KHDRBS2: variants seen among roughly 807,000 people sequenced by gnomAD.
The protein encoded by KHDRBS2 is KH domain-containing, RNA-binding, signal transduction-associated protein 2.
In KHDRBS2, 26 loss-of-function variants were observed where a neutral mutation model predicts 44.3. That is an observed-to-expected ratio of 0.59 (90% CI 0.43 to 0.81). The LOEUF (loss-of-function observed/expected upper bound fraction) is 0.81. KHDRBS2 is among the 40% of genes least tolerant of loss of function. KHDRBS2 has a pLI of 0.00. For missense variants in KHDRBS2, 476 were observed against 433.1 expected (o/e 1.10, Z -0.88); for synonymous variants, 194 against 151.1 (o/e 1.28, Z -2.08).
At chr6:62,098,204 C>A (rs1801058925) in intron 2 of KHDRBS2, among the ~76,000 whole-genome samples, 1 of 147,506 alleles carries the variant, frequency 6.8e-6, no homozygotes, top group South Asian at 2.2e-4. Flanking sequence ...TGAATTTGTT[C>A]ATATACTTAC....
chr6:61,583,728 G>A, the KHDRBS2 span, among the ~76,000 whole-genome samples: 5 of 151,280 alleles, frequency 3.3e-5, no homozygotes, highest in South Asian at 1.0e-3. Flanking sequence ...TTTTAAATTA[G>A]CTTTTAAATT....
chr6:61,572,097 A>G, the KHDRBS2 span, among the ~76,000 whole-genome samples: 1 of 152,124 alleles, frequency 6.6e-6, no homozygotes, highest in Non-Finnish European at 1.5e-5. Flanking sequence ...AAGAAGAGAG[A>G]AGATCCAAAT....
intron 6 of KHDRBS2, among the ~76,000 whole-genome samples, chr6:61,751,437 G>A (rs1300187947): frequency 6.6e-6 from 1 of 152,164 alleles, no homozygotes; most frequent in Non-Finnish European, 1.5e-5. Flanking sequence ...ACAGAACAAT[G>A]TGCCCTATTG....
At chr6:61,561,139 T>G in the KHDRBS2 span, among the ~76,000 whole-genome samples, 2 of 152,150 alleles carry the variant, frequency 1.3e-5, no homozygotes, top group African/African-American at 4.8e-5. Context: ...GGATTACCAA[T>G]TAGAGACTTG....
chr6:61,936,859 C>CT (rs1223182375), intron 4 of KHDRBS2, among the ~76,000 whole-genome samples: 1 of 151,792 alleles, frequency 6.6e-6, no homozygotes, highest in East Asian at 1.9e-4. Flanking sequence ...ATTTGTAAAT[C>CT]TTTTTTTCTC....
At chr6:62,116,869 T>A (rs1806359025) in intron 2 of KHDRBS2, among the ~76,000 whole-genome samples, 1 of 152,160 alleles carries the variant, frequency 6.6e-6, no homozygotes, top group South Asian at 2.1e-4. Context: ...ACCATATTAG[T>A]CTTTCCATGC....
At chr6:61,562,830 A>T in the KHDRBS2 span, among the ~76,000 whole-genome samples, 6 of 152,320 alleles carry the variant, frequency 3.9e-5, no homozygotes, top group African/African-American at 1.4e-4. Flanking sequence ...ATTATGTGTT[A>T]AAGTTTTTAT....
At chr6:61,638,701 T>A in the KHDRBS2 span, among the ~76,000 whole-genome samples, 1 of 152,150 alleles carries the variant, frequency 6.6e-6, no homozygotes, top group African/African-American at 2.4e-5. Context: ...AAAAATCAAT[T>A]AGCATTATTC....
chr6:62,210,558 T>C (rs1441635789), intron 1 of KHDRBS2, among the ~76,000 whole-genome samples: 1 of 152,092 alleles, frequency 6.6e-6, no homozygotes, highest in East Asian at 1.9e-4. Flanking sequence ...CTAGAACTCC[T>C]GACCTCAGGT....
At chr6:61,907,245 T>C (rs1805204353) in intron 4 of KHDRBS2, among the ~76,000 whole-genome samples, 1 of 152,232 alleles carries the variant, frequency 6.6e-6, no homozygotes, top group Admixed American at 6.5e-5. Flanking sequence ...CATTTTAAAC[T>C]CAGATTATCT....
At chr6:61,971,342 A>G (rs528886345) in intron 4 of KHDRBS2, among the ~76,000 whole-genome samples, 2 of 152,188 alleles carry the variant, frequency 1.3e-5, no homozygotes, top group East Asian at 3.9e-4. Flanking sequence ...GAATCAATAC[A>G]TTTTTCATTG....
chr6:61,813,454 T>G (rs1788433841), intron 6 of KHDRBS2, among the ~76,000 whole-genome samples: 1 of 152,182 alleles, frequency 6.6e-6, no homozygotes, highest in African/African-American at 2.4e-5. Flanking sequence ...CAGGCAGGAT[T>G]TGCAAACCTA....
chr6:61,723,087 A>T (rs1245979820), intron 7 of KHDRBS2, among the ~76,000 whole-genome samples: 1 of 152,140 alleles, frequency 6.6e-6, no homozygotes, highest in Non-Finnish European at 1.5e-5. Context: ...GGAAAAACTG[A>T]GGCAACTAGG....
chr6:61,899,570 T>C (rs1447142000), intron 5 of KHDRBS2, among the ~76,000 whole-genome samples: 8 of 151,976 alleles, frequency 5.3e-5, no homozygotes, highest in African/African-American at 1.7e-4. Flanking sequence ...ATTATTTAAA[T>C]GGATTAAAAT....
chr6:61,906,222 C>T lies in KHDRBS2; in HGVS notation c.484-4851G>A, dbSNP rs149192720. 7.2e-5 allele frequency among the ~76,000 whole-genome samples: 11 copies of T among 152,112 alleles called. No homozygotes were observed. In the East Asian group the frequency reaches 2.1e-3, roughly 29 times the overall value. On this transcript the variant is annotated intron_variant, in intron 4 of 8. Coordinates refer to ENST00000281156, the MANE Select transcript of KHDRBS2 (RefSeq NM_152688.4). ...CTGTCTAGACTGAACATATTCTGTG[C>T]ATTATAATTTTTGCTATTAAAATTT...
the KHDRBS2 span, among the ~76,000 whole-genome samples, chr6:61,547,140 G>T: frequency 1.3e-5 from 2 of 152,080 alleles, no homozygotes; most frequent in Admixed American, 6.6e-5. Flanking sequence ...GATATAGAGA[G>T]AATGTGCAAA....
At chr6:62,019,052 A>C (rs2127278045) in intron 3 of KHDRBS2, among the ~76,000 whole-genome samples, 1 of 152,174 alleles carries the variant, frequency 6.6e-6, no homozygotes, top group Non-Finnish European at 1.5e-5. Context: ...GTAACAAATA[A>C]TCCATTATAA....
At chr6:61,552,812 A>T in the KHDRBS2 span, among the ~76,000 whole-genome samples, 1 of 152,186 alleles carries the variant, frequency 6.6e-6, no homozygotes, top group Non-Finnish European at 1.5e-5. Flanking sequence ...GTTCATTTGC[A>T]TGTGTTGAAA....
the KHDRBS2 span, chr6:61,574,384 C>T: frequency 4.3e-5 from 65 of 1,524,770 alleles, no homozygotes; most frequent in South Asian, 4.8e-5. Context: ...CTGACCTGCC[C>T]GTGAAGAGGC....
Sources: gnomAD v4.1 joint callset for allele counts (sites outside exome capture counted in the v4.1 genomes callset) on GRCh38, gnomAD v4.1.1 for gene constraint, MANE v1.5 for transcripts, NCBI Gene and HGNC (gene_info 2026-07-23, HGNC 2026-07-21) for gene names.